The following PHF12 variants were observed in gnomAD, a reference collection of about 807,000 sequenced individuals.
PHF12 encodes the protein PHD finger protein 12.
In PHF12, 6 loss-of-function variants were observed where a neutral mutation model predicts 99.8. The observed-to-expected ratio is 0.06, with a 90% CI of 0.03 to 0.12. PHF12 has a LOEUF of 0.12. Ranked by LOEUF, PHF12 falls within the 10% of genes least tolerant of loss-of-function variation. The pLI is 1.00. For synonymous variants in PHF12, 480 were observed against 514.9 expected, an observed-to-expected ratio of 0.93 and a Z score of 0.92; for missense variants, 954 against 1,300.1, an observed-to-expected ratio of 0.73 and a Z score of 4.09.
At chr17:28,942,411 C>A (rs2040634578) in intron 2 of PHF12, among the ~76,000 whole-genome samples, 1 of 152,098 alleles carries the variant, frequency 6.6e-6, no homozygotes, top group South Asian at 2.1e-4. Context: ...GTCCCAGCTA[C>A]TCAGGAGGCT....
intron 2 of PHF12, among the ~76,000 whole-genome samples, chr17:28,933,257 T>C (rs2040447674): frequency 6.6e-6 from 1 of 152,246 alleles, no homozygotes. Flanking sequence ...GACATCAATG[T>C]GTTTCTTAAA....
Position 28,949,103 on chromosome 17 carries a change from G to A in PHF12, c.248+962C>T, listed in dbSNP as rs1295278336. Among the ~76,000 whole-genome samples, 1 of 152,162 alleles carries A rather than the reference G, an allele frequency of 6.6e-6. No individual in the cohort carries two copies. Among genetic ancestry groups the A allele is most frequent in the African/African-American group, 2.4e-5 (1 of 41,430 alleles). ...CTCCCCTCCTCTCATGTCCAGTAAGGGGGAAAAAGCGTACGGCTTTCCAGC... is the reference window on the plus strand; with the variant it reads ...CTCCCCTCCTCTCATGTCCAGTAAGAGGGAAAAAGCGTACGGCTTTCCAGC... On this transcript the variant is annotated intron_variant, in intron 2 of 14. Transcript: ENST00000332830. This position sits in a 1 kb window ranked among gnomAD's most constrained non-coding sequence, Gnocchi z 4.6.
At chr17:28,910,159 C>T (rs2039932794) in intron 11 of PHF12, 67 bp downstream of exon 11, 2 of 1,605,890 alleles carry the variant, frequency 1.2e-6, no homozygotes, top group South Asian at 2.2e-5. Flanking sequence ...TCCATGGAGG[C>T]AAGGTGACCA....
In PHF12 at chr17:28,926,984, T is replaced by C. The variant is rs2040291537; in HGVS notation, c.321+7A>G. The C allele has an allele frequency of 1.2e-6, 2 of 1,613,842 alleles. No homozygotes were observed. The highest frequency in any genetic ancestry group is 3.3e-5 in the Admixed American group (2 of 60,006). On this transcript the variant is annotated splice_region_variant and intron_variant, in intron 3 of 14. Transcript: ENST00000332830. ...TCTGGACAGTCTTCAGAAAGCAGCA[T>C]TATTACCTTTCGGCGAACAGTGCAC...
At chr17:28,914,143 A>C (rs1337257082) in intron 7 of PHF12, 106 bp from the exon 8 acceptor site, 178 of 1,264,212 alleles carry the variant, frequency 1.4e-4, no homozygotes, top group East Asian at 7.5e-5. Context: ...TGCTCAAGGG[A>C]CCATCCACTC....
chr17:28,920,695 TG>T (rs2040146926), intron 5 of PHF12, among the ~76,000 whole-genome samples: 1 of 151,970 alleles, frequency 6.6e-6, no homozygotes, highest in Non-Finnish European at 1.5e-5. Flanking sequence ...CCTGAGTAGC[TG>T]GGACTACAGG....
intron 2 of PHF12, among the ~76,000 whole-genome samples, chr17:28,929,375 T>C (rs2040354134): frequency 6.6e-6 from 1 of 151,880 alleles, no homozygotes; most frequent in South Asian, 2.1e-4. Context: ...CCTGAGTAGC[T>C]AGGATTACAA....
rs868568680 is a variant in PHF12, at chr17:28,912,466, G to T, written c.2089+16C>A. The stretch of plus-strand genomic sequence containing the variant: ...TAAAATTATTCCAAATCAACCCAAG[G>T]CTGAGCAGCACTCACCTGACGATGG... On this transcript the variant is annotated intron_variant, in intron 9 of 14. Transcript: ENST00000332830. The T allele has an allele frequency of 3.2e-6, 5 of 1,566,242 alleles. No homozygotes were observed. The African/African-American group carries it at 4.1e-5, about 13-fold the overall frequency.
At chr17:28,946,935 G>A (rs1024089841) in intron 2 of PHF12, among the ~76,000 whole-genome samples, 1 of 152,076 alleles carries the variant, frequency 6.6e-6, no homozygotes, top group Non-Finnish European at 1.5e-5. Context: ...GGAAGCCAGA[G>A]GAAATATAAC....
At position 28,910,294 on chromosome 17, in the gene PHF12, G is replaced by C. The variant is rs374880095; in HGVS notation, c.2291C>G (p.Ser764Cys). The C allele has an allele frequency of 3.7e-6, 6 of 1,614,230 alleles. No individual in the cohort carries two copies. The highest frequency in any genetic ancestry group is 3.3e-5 in the South Asian group (3 of 91,086). ...ACTGCCCGGTGAAGGTTGGACCCGG[G>C]AGGGGAAAAGCTGATGTATTCTCTG... ...ALQRIHQLFP[S>C]RVQPSPGSVG... The change falls in exon 11 of 15, where the codon TCC (serine) becomes TGC (cysteine). Residue 764 changes from serine to cysteine, a missense_variant. Physicochemically the swap from Ser to Cys is moderately radical, Grantham distance 112. Coordinates refer to ENST00000332830, the MANE Select transcript of PHF12 (RefSeq NM_001033561.2).
At chr17:28,912,142 C>G (rs1276197865) in intron 9 of PHF12, 1 of 1,117,558 alleles carries the variant, frequency 8.9e-7, no homozygotes, top group Non-Finnish European at 1.1e-6. Context: ...AGAGAGCACC[C>G]TGCCTTCTTT....
Position 28,908,353 on chromosome 17 carries a change from C to G in PHF12, c.2458+430G>C, listed in dbSNP as rs544758195. 7.5e-5 allele frequency: 13 copies of G among 173,516 alleles called. No individual in the cohort carries two copies. The South Asian group carries it at 1.6e-3, about 21-fold the overall frequency. 10.7% of individuals were successfully genotyped at this position (173,516 alleles called of 1,614,324 possible). On this transcript the variant is annotated intron_variant, in intron 12 of 14. Transcript: ENST00000332830. ...GTCTCTTTTATTTTTGAGACAGGGT[C>G]TCACTCTGTTGCCTGGGCTGGAGTG...
chr17:28,936,030 C>T (rs1342581670), intron 2 of PHF12, among the ~76,000 whole-genome samples: 1 of 152,178 alleles, frequency 6.6e-6, no homozygotes, highest in African/African-American at 2.4e-5. Flanking sequence ...TTTAGAATGC[C>T]TTGCATTCAC....
chr17:28,933,638 C>A (rs6505098), intron 2 of PHF12, among the ~76,000 whole-genome samples: 38,100 of 152,024 alleles, frequency 0.25, 7,085 homozygotes, highest in African/African-American at 0.52. Context: ...CTCAAGGCTG[C>A]GCATTTCCTT....
intron 9 of PHF12, among the ~76,000 whole-genome samples, chr17:28,911,744 G>A (rs1470109992): frequency 6.6e-6 from 1 of 152,144 alleles, no homozygotes; most frequent in African/African-American, 2.4e-5. Flanking sequence ...CTAGGAGGCC[G>A]GCTTCAGTTC....
At chr17:28,913,387 T>A (rs2040004529) in intron 8 of PHF12, 110 bp from the exon 9 acceptor site, 1 of 1,480,558 alleles carries the variant, frequency 6.8e-7, no homozygotes, top group African/African-American at 1.4e-5. Context: ...CGAGGTCCCA[T>A]CATGAATGCT....
At chr17:28,940,584 C>G (rs951808646) in intron 2 of PHF12, among the ~76,000 whole-genome samples, 1 of 152,190 alleles carries the variant, frequency 6.6e-6, no homozygotes, top group Non-Finnish European at 1.5e-5. Flanking sequence ...TCAGCTTTTG[C>G]CTCACACAAA....
intron 2 of PHF12, among the ~76,000 whole-genome samples, chr17:28,945,907 G>A (rs984619113): frequency 1.3e-5 from 2 of 152,158 alleles, no homozygotes; most frequent in Non-Finnish European, 2.9e-5. Flanking sequence ...AGGCCGAGGC[G>A]GGTGGATCAT....
In PHF12 at chr17:28,950,916, G is replaced by A. The variant is rs1350644137; in HGVS notation, c.45C>T (p.Asp15=). 5.6e-6 allele frequency: 9 copies of A among 1,613,884 alleles called. No homozygotes were observed. The highest frequency in any genetic ancestry group is 5.9e-6 in the Non-Finnish European group (7 of 1,179,952). The part of the protein sequence containing the change: ...METKTIVYDL[D]TSGGLMEQIQ... Reference sequence around the variant, plus strand: ...TTACCTCCATCAGCCCCCCTGATGTGTCCAAGTCGTACACGATCGTCTTGG... The same window carrying A: ...TTACCTCCATCAGCCCCCCTGATGTATCCAAGTCGTACACGATCGTCTTGG... Residue 15 remains aspartate, a synonymous_variant, in exon 1 of 15, where the codon GAC becomes GAT. Coordinates refer to ENST00000332830, the MANE Select transcript of PHF12 (RefSeq NM_001033561.2). The surrounding 1 kb of genome is among the most constrained non-coding windows in gnomAD (Gnocchi z 5.7).
Sources: allele counts gnomAD v4.1 joint callset (sites outside exome capture counted in the v4.1 genomes callset), GRCh38; gene constraint gnomAD v4.1.1; non-coding constraint Gnocchi (gnomAD v3.1); transcripts MANE v1.5; gene names NCBI Gene and HGNC (gene_info 2026-07-23, HGNC 2026-07-21).